LEPR: variants seen among roughly 807,000 people sequenced by gnomAD.
LEPR encodes the protein leptin receptor.
LEPR carries 56 observed loss-of-function variants against 114.7 expected under a neutral mutation model. The observed-to-expected ratio is 0.49, with a 90% CI of 0.39 to 0.61. The LOEUF (loss-of-function observed/expected upper bound fraction) is 0.61, where lower values mean the gene tolerates loss of function less well. LEPR is among the 20% of genes least tolerant of loss of function. The pLI is 0.00. For synonymous variants in LEPR, 443 were observed against 461.4 expected (o/e 0.96, Z 0.51); for missense variants, 1,202 against 1,352.9 (o/e 0.89, Z 1.75).
At chr1:65,475,235 TC>T (rs1647143536) in intron 2 of LEPR, among the ~76,000 whole-genome samples, 1 of 152,160 alleles carries the variant, frequency 6.6e-6, no homozygotes, top group African/African-American at 2.4e-5. Context: ...GTGTTGGACT[TC>T]CGTGTTTTCA....
intron 2 of LEPR, among the ~76,000 whole-genome samples, chr1:65,439,471 C>A (rs1237945466): frequency 1.3e-5 from 2 of 152,126 alleles, no homozygotes; most frequent in Admixed American, 6.5e-5. Flanking sequence ...CCTCATGGAG[C>A]TTACCTTCAA....
At chr1:65,487,984 T>G (rs1338176041) in intron 2 of LEPR, among the ~76,000 whole-genome samples, 1 of 151,176 alleles carries the variant, frequency 6.6e-6, no homozygotes, top group Non-Finnish European at 1.5e-5. Flanking sequence ...CTTCTCTCTT[T>G]CTTTCATCTT....
At chr1:65,462,195 C>T (rs1026933273) in intron 2 of LEPR, among the ~76,000 whole-genome samples, 6 of 152,122 alleles carry the variant, frequency 3.9e-5, no homozygotes, top group Admixed American at 6.5e-5. Context: ...TGTTCCCTGC[C>T]CTGTGTCCAT....
rs971362551 is a variant in LEPR at position 65,633,614 on chromosome 1, G to A, written c.2674-2577G>A. 56 of 981,736 alleles carry A rather than the reference G, an allele frequency of 5.7e-5. No individual in the cohort carries two copies. Among genetic ancestry groups the A allele is most frequent in the Non-Finnish European group, 6.3e-5 (52 of 825,838 alleles). The allele number at this position is 981,736 out of a possible 1,614,324, so 60.8% of individuals were successfully genotyped here. The stretch of plus-strand genomic sequence containing the variant: ...TAAAAATACAATGATTATAAGTATG[G>A]AATCAGTGAAAATATTTAGTTTGTA... On this transcript the variant is annotated intron_variant, in intron 19 of 19. Coordinates refer to ENST00000349533, the MANE Select transcript of LEPR (RefSeq NM_002303.6). The surrounding 1 kb of genome is among the most constrained non-coding windows in gnomAD (Gnocchi z 4.1).
chr1:65,525,556 T>A (rs1356595601), intron 2 of LEPR: 1 of 897,858 alleles, frequency 1.1e-6, no homozygotes, highest in African/African-American at 1.8e-5. Context: ...CAGGGGCGGC[T>A]GCGGAGGGCG....
chr1:65,601,845 G>A lies in LEPR; in HGVS notation c.1288G>A (p.Val430Ile). The A allele has an allele frequency of 1.9e-6, 3 of 1,611,724 alleles. No homozygotes were observed. The highest frequency in any genetic ancestry group is 1.7e-6 in the Non-Finnish European group (2 of 1,178,148). Reference protein sequence around the residue: ...HRYAELYVIDVNINISCETDG... With the variant: ...HRYAELYVIDININISCETDG... The stretch of plus-strand genomic sequence containing the variant: ...ATATTTTAATATGTTTCAAATAGAT[G>A]TCAATATCAATATCTCATGTGAAAC... The change falls in exon 10 of 20, where the codon GTC (valine) becomes ATC (isoleucine). Residue 430 changes from valine (V) to isoleucine (I), a missense_variant and splice_region_variant. Transcript: ENST00000349533.
intron 2 of LEPR, among the ~76,000 whole-genome samples, chr1:65,513,703 A>C (rs1244790460): frequency 6.6e-6 from 1 of 152,188 alleles, no homozygotes; most frequent in Non-Finnish European, 1.5e-5. Flanking sequence ...ATTTCCTTTC[A>C]GGTTCATAGG....
chr1:65,498,444 A>T (rs59918017), intron 2 of LEPR, among the ~76,000 whole-genome samples: 2 of 151,906 alleles, frequency 1.3e-5, no homozygotes, highest in Non-Finnish European at 2.9e-5. Flanking sequence ...ATACTATTAC[A>T]AAAAAAACTG....
chr1:65,533,597 A>G (rs1650552077), intron 2 of LEPR, among the ~76,000 whole-genome samples: 2 of 152,192 alleles, frequency 1.3e-5, no homozygotes, highest in African/African-American at 4.8e-5. Flanking sequence ...ATAGCACATT[A>G]ATTTTCAGCC....
chr1:65,439,349 A>G (rs1646615425), intron 2 of LEPR, among the ~76,000 whole-genome samples: 1 of 152,240 alleles, frequency 6.6e-6, no homozygotes. Context: ...AATCAATTGA[A>G]TAGAATCAAT....
In LEPR at chr1:65,452,531, G is replaced by C. The variant is rs528888639; in HGVS notation, c.-21+27153G>C. 1.0e-3 allele frequency among the ~76,000 whole-genome samples: 155 copies of C among 152,294 alleles called. No individual in the cohort carries two copies. The Middle Eastern group carries it at 0.01, about 10-fold the overall frequency. Reference sequence around the variant, plus strand: ...CAAATGCCTTTTCTGCATCTATTGAGATAATCATGTGGTATTTGTCTTTGG... The same window carrying C: ...CAAATGCCTTTTCTGCATCTATTGACATAATCATGTGGTATTTGTCTTTGG... On this transcript the variant is annotated intron_variant, in intron 2 of 19. Coordinates refer to ENST00000349533, the MANE Select transcript of LEPR (RefSeq NM_002303.6).
At chr1:65,575,759 A>C (rs1654541617) in intron 5 of LEPR, among the ~76,000 whole-genome samples, 1 of 151,576 alleles carries the variant, frequency 6.6e-6, no homozygotes, top group Non-Finnish European at 1.5e-5. Flanking sequence ...AATAAATTTG[A>C]ATAGGAACAT....
intron 11 of LEPR, among the ~76,000 whole-genome samples, chr1:65,607,459 C>A (rs904080593): frequency 6.6e-6 from 1 of 152,152 alleles, no homozygotes; most frequent in African/African-American, 2.4e-5. Flanking sequence ...CCAACCTGAG[C>A]AGTTCTGGAG....
At chr1:65,558,179 G>A (rs999628229) in intron 2 of LEPR, among the ~76,000 whole-genome samples, 16 of 152,052 alleles carry the variant, frequency 1.1e-4, no homozygotes, top group Non-Finnish European at 4.4e-5. Flanking sequence ...ATCAAGAACA[G>A]GTAGCATAAA....
At chr1:65,425,167 A>G in intron 1 of LEPR, 136 bp from the exon 2 acceptor site, 1 of 688,310 alleles carries the variant, frequency 1.5e-6, no homozygotes, top group Non-Finnish European at 2.6e-6. Context: ...CATCACTACT[A>G]TCTAATTCCA....
chr1:65,613,473 G>GAACAA (rs1553171717), intron 14 of LEPR, among the ~76,000 whole-genome samples: 1 of 142,840 alleles, frequency 7.0e-6, no homozygotes, highest in East Asian at 4.2e-4. Flanking sequence ...TTCAACAGGG[G>GAACAA]CCGGGCGCGG....
At chr1:65,544,927 G>C (rs1391372019) in intron 2 of LEPR, among the ~76,000 whole-genome samples, 1 of 149,966 alleles carries the variant, frequency 6.7e-6, no homozygotes, top group Non-Finnish European at 1.5e-5. Flanking sequence ...TTTAGCATTA[G>C]GTATATCTCC....
At chr1:65,617,361 G>A (rs1657592254) in intron 15 of LEPR, among the ~76,000 whole-genome samples, 1 of 152,168 alleles carries the variant, frequency 6.6e-6, no homozygotes, top group African/African-American at 2.4e-5. Context: ...AATGTGAGTA[G>A]GAATTAAACT....
chr1:65,511,471 C>T (rs975185140), intron 2 of LEPR, among the ~76,000 whole-genome samples: 7 of 141,116 alleles, frequency 5.0e-5, no homozygotes, highest in East Asian at 2.1e-4. Flanking sequence ...CACACACACA[C>T]GTGTATTTTT....
Sources: gnomAD v4.1 joint callset for allele counts (sites outside exome capture counted in the v4.1 genomes callset) on GRCh38, gnomAD v4.1.1 for gene constraint, Gnocchi (gnomAD v3.1) non-coding constraint, MANE v1.5 for transcripts, NCBI Gene and HGNC (gene_info 2026-07-23, HGNC 2026-07-21) for gene names.